TMEM209: variants seen among roughly 807,000 people sequenced by gnomAD.
TMEM209 encodes transmembrane protein 209, also known as testicular tissue protein Li 202.
Under a neutral mutation model 76.2 loss-of-function variants are expected in TMEM209, and 65 were observed. The ratio of observed to expected loss-of-function variants is 0.85; its 90% CI spans 0.70 to 1.05. The LOEUF is 1.05. Ranked by LOEUF, TMEM209 falls within the 50% of genes least tolerant of loss-of-function variation. TMEM209 has a pLI of 0.00. For missense variants in TMEM209, 623 were observed against 685.5 expected, an observed-to-expected ratio of 0.91 and a Z score of 1.02; for synonymous variants, 239 against 237.6, an observed-to-expected ratio of 1.01 and a Z score of -0.06.
chr7:130,180,572 T>C (rs1382159069), intron 9 of TMEM209, among the ~76,000 whole-genome samples: 1 of 152,070 alleles, frequency 6.6e-6, no homozygotes, highest in Non-Finnish European at 1.5e-5. Context: ...TTTCACCATG[T>C]TGGCCAGGCT....
chr7:130,184,228 G>A lies in TMEM209; in HGVS notation c.979C>T (p.Gln327Ter). 3 of 1,607,208 alleles carry A rather than the reference G, an allele frequency of 1.9e-6. No individual in the cohort carries two copies. Among genetic ancestry groups the A allele is most frequent in the Non-Finnish European group, 2.5e-6 (3 of 1,177,238 alleles). ...EVWARVAMNR[Q>*]LLDHMDSWTA... ...CATGAATCCATATGATCAAGAAGTT[G>A]TCTATTCATAGCCACTCTTGCCCAG... The change falls in exon 8 of 15, where the codon CAA (glutamine) becomes TAA (stop). Residue 327 changes from glutamine to a stop codon, truncating the protein, a stop_gained. Coordinates refer to ENST00000397622, the MANE Select transcript of TMEM209 (RefSeq NM_032842.4). LOFTEE classifies it high-confidence loss of function.
intron 9 of TMEM209, among the ~76,000 whole-genome samples, chr7:130,179,897 C>T (rs62491975): frequency 0.098 from 14,842 of 152,190 alleles, 759 homozygotes; most frequent in Middle Eastern, 0.14. Context: ...GCCCAGGAGG[C>T]TGAGGCTGTA....
intron 14 of TMEM209, among the ~76,000 whole-genome samples, chr7:130,169,954 T>C (rs1452626818): frequency 6.6e-6 from 1 of 152,206 alleles, no homozygotes; most frequent in East Asian, 1.9e-4. Context: ...TTACCAAGTA[T>C]GTAAACGATT....
chr7:130,178,611 T>C (rs1797317192), intron 9 of TMEM209, 84 bp from the exon 10 acceptor site: 1 of 1,513,698 alleles, frequency 6.6e-7, no homozygotes, highest in Non-Finnish European at 9.0e-7. Flanking sequence ...CATGTGTTCA[T>C]ACAGCTGGTT....
intron 10 of TMEM209, among the ~76,000 whole-genome samples, chr7:130,177,090 C>T (rs796505558): frequency 2.3e-4 from 34 of 151,078 alleles, no homozygotes; most frequent in African/African-American, 6.8e-4. Context: ...CAGTGACCCA[C>T]GCCTGTAATC....
At chr7:130,193,189 C>T (rs1250285638) in intron 5 of TMEM209, among the ~76,000 whole-genome samples, 3 of 152,164 alleles carry the variant, frequency 2.0e-5, no homozygotes, top group African/African-American at 7.2e-5. Context: ...CCAAGATGCC[C>T]TTCAGTAGGT....
intron 14 of TMEM209, among the ~76,000 whole-genome samples, chr7:130,169,961 G>C (rs1267149613): frequency 6.6e-6 from 1 of 152,052 alleles, no homozygotes; most frequent in African/African-American, 2.4e-5. Context: ...GTATGTAAAC[G>C]ATTTCAACTG....
At chr7:130,180,984 T>C (rs1207652561) in intron 9 of TMEM209, among the ~76,000 whole-genome samples, 3 of 152,146 alleles carry the variant, frequency 2.0e-5, no homozygotes, top group Non-Finnish European at 4.4e-5. Flanking sequence ...AATGAAAACA[T>C]AGGTCCAATA....
intron 9 of TMEM209, among the ~76,000 whole-genome samples, chr7:130,180,202 G>A (rs1797363963): frequency 6.6e-6 from 1 of 151,976 alleles, no homozygotes; most frequent in Non-Finnish European, 1.5e-5. Context: ...GTTGAAAATA[G>A]GTGATGGAAA....
At chr7:130,181,012 C>T (rs1163096259) in intron 9 of TMEM209, among the ~76,000 whole-genome samples, 1 of 152,182 alleles carries the variant, frequency 6.6e-6, no homozygotes, top group East Asian at 1.9e-4. Flanking sequence ...TTGTACGTGA[C>T]TGTTCACAGC....
At chr7:130,184,098 A>G in intron 8 of TMEM209, 86 bp downstream of exon 8, 2 of 905,916 alleles carry the variant, frequency 2.2e-6, no homozygotes, top group Non-Finnish European at 3.3e-6. Flanking sequence ...ATTCTAATTT[A>G]TAATGAACTC....
At chr7:130,174,914 C>A (rs904864909) in intron 11 of TMEM209, among the ~76,000 whole-genome samples, 8 of 151,352 alleles carry the variant, frequency 5.3e-5, no homozygotes, top group Non-Finnish European at 1.2e-4. Context: ...TAAAAAAAAA[C>A]CCTAAATATT....
Position 130,201,088 on chromosome 7 carries a change from C to CAA in TMEM209, c.573+760_573+761dup, listed in dbSNP as rs869309249. ...TAGGCAACAGAGCGAGACTCTGTCT[C>CAA]AAAAAAAAAAAAAAAAAAAAAAAAA... On this transcript the variant is annotated intron_variant, in intron 5 of 14. Coordinates refer to ENST00000397622, the MANE Select transcript of TMEM209 (RefSeq NM_032842.4). Among the ~76,000 whole-genome samples the CAA allele has an allele frequency of 1.3e-3, 95 of 74,172 alleles. 6 individuals carry two copies. The highest frequency in any genetic ancestry group is 5.2e-3 in the African/African-American group (88 of 16,868). 48.7% of individuals were successfully genotyped at this position (74,172 alleles called of 152,430 possible).
intron 14 of TMEM209, 47 bp downstream of exon 14, chr7:130,170,353 G>A: frequency 6.7e-7 from 1 of 1,499,176 alleles, no homozygotes; most frequent in Non-Finnish European, 9.2e-7. Flanking sequence ...AACATAGGAA[G>A]AAAATCAGTA....
intron 7 of TMEM209, among the ~76,000 whole-genome samples, chr7:130,184,801 C>T (rs1030165192): frequency 2.6e-5 from 4 of 152,142 alleles, no homozygotes; most frequent in Non-Finnish European, 5.9e-5. Context: ...ATTTTTCTTG[C>T]TTTTAAGAAC....
chr7:130,183,050 G>A (rs1797477181), intron 8 of TMEM209, among the ~76,000 whole-genome samples: 2 of 152,100 alleles, frequency 1.3e-5, no homozygotes, highest in South Asian at 2.1e-4. Flanking sequence ...TATAGCACAT[G>A]GTCACCTAGG....
chr7:130,172,010 G>A (rs1448035328), intron 13 of TMEM209, among the ~76,000 whole-genome samples: 2 of 151,988 alleles, frequency 1.3e-5, no homozygotes, highest in African/African-American at 4.8e-5. Context: ...TCCAGCCTGG[G>A]TGACAGAGCA....
At chr7:130,188,278 G>A (rs1379350427) in intron 6 of TMEM209, among the ~76,000 whole-genome samples, 1 of 152,140 alleles carries the variant, frequency 6.6e-6, no homozygotes, top group Non-Finnish European at 1.5e-5. Flanking sequence ...GCCAAACTAT[G>A]AAGTGTAGAA....
intron 5 of TMEM209, among the ~76,000 whole-genome samples, chr7:130,197,957 T>C (rs1798047303): frequency 6.6e-6 from 1 of 152,208 alleles, no homozygotes; most frequent in African/African-American, 2.4e-5. Context: ...TACCACACAA[T>C]TCACTCATGT....
Sources: allele counts gnomAD v4.1 joint callset (sites outside exome capture counted in the v4.1 genomes callset), GRCh38; gene constraint gnomAD v4.1.1; transcripts MANE v1.5; gene names NCBI Gene and HGNC (gene_info 2026-07-23, HGNC 2026-07-21).